Variants in CEP112 observed in about 807,000 individuals in gnomAD.
CEP112 encodes centrosomal protein of 112 kDa.
Under a neutral mutation model 153.0 loss-of-function variants are expected in CEP112, and 127 were observed. That is an observed-to-expected ratio of 0.83 (90% confidence interval 0.72 to 0.96). The LOEUF is 0.96. CEP112 is among the 40% of genes least tolerant of loss of function. The pLI, the probability that CEP112 is intolerant of heterozygous loss-of-function variation, is 0.00. For missense variants in CEP112, 1,089 were observed against 1,101.2 expected, an observed-to-expected ratio of 0.99 and a Z score of 0.16; for synonymous variants, 358 against 374.4, an observed-to-expected ratio of 0.96 and a Z score of 0.51.
intron 21 of CEP112, among the ~76,000 whole-genome samples, chr17:65,755,355 G>GTTA (rs1020944257): frequency 1.3e-5 from 2 of 152,102 alleles, no homozygotes; most frequent in Admixed American, 1.3e-4. Flanking sequence ...CTCACTCACT[G>GTTA]TTATAAGAAC....
chr17:66,151,167 G>A (rs181881441), intron 4 of CEP112, among the ~76,000 whole-genome samples: 9 of 152,174 alleles, frequency 5.9e-5, no homozygotes, highest in African/African-American at 2.2e-4. Flanking sequence ...GGCTTCCAGT[G>A]TTGAGTTCAT....
At chr17:65,803,025 C>G (rs2055372848) in intron 21 of CEP112, among the ~76,000 whole-genome samples, 1 of 152,236 alleles carries the variant, frequency 6.6e-6, no homozygotes, top group South Asian at 2.1e-4. Context: ...TTCCACCTGG[C>G]TTTCTGTCCC....
chr17:65,997,564 T>C (rs926803987), intron 17 of CEP112, among the ~76,000 whole-genome samples: 5 of 152,200 alleles, frequency 3.3e-5, no homozygotes, highest in Admixed American at 6.5e-5. Context: ...ATTAAAAATA[T>C]ATGTAAAACA....
In CEP112 at chr17:65,751,952, TTCTATCTATCTATCTATCTATCTA is replaced by T. The variant is rs60646634; in HGVS notation, c.2395-1252_2395-1229del. 6.2e-5 allele frequency among the ~76,000 whole-genome samples: 9 copies of T among 145,932 alleles called. No homozygotes were observed. In the East Asian group the frequency reaches 6.2e-4, roughly 10 times the overall value. On this transcript the variant is annotated intron_variant, in intron 21 of 26. Transcript: ENST00000535342. ...TGCGTCATGCCTTGCAATACAGTCC[TTCTATCTATCTATCTATCTATCTA>T]TCTATCTATCTATCTATCTATCTAT...
intron 23 of CEP112, among the ~76,000 whole-genome samples, chr17:65,740,637 T>C (rs2051074684): frequency 6.6e-6 from 1 of 152,180 alleles, no homozygotes; most frequent in African/African-American, 2.4e-5. Flanking sequence ...GATCACCAGC[T>C]TGAAAGAGGT....
At chr17:66,184,709 T>A (rs1041133617) in intron 1 of CEP112, among the ~76,000 whole-genome samples, 4 of 152,060 alleles carry the variant, frequency 2.6e-5, no homozygotes, top group African/African-American at 9.7e-5. Flanking sequence ...AAAATAAACA[T>A]ACACTCAGCC....
intron 17 of CEP112, among the ~76,000 whole-genome samples, chr17:65,972,249 G>C (rs1332848217): frequency 6.6e-6 from 1 of 152,048 alleles, no homozygotes; most frequent in African/African-American, 2.4e-5. Flanking sequence ...AAGATATCTG[G>C]GAAATCCCCA....
intron 19 of CEP112, among the ~76,000 whole-genome samples, chr17:65,925,971 C>T (rs1462657861): frequency 3.3e-5 from 5 of 151,950 alleles, no homozygotes; most frequent in Admixed American, 6.6e-5. Context: ...CAAAGCAAAA[C>T]CAAGCTAAAA....
intron 21 of CEP112, among the ~76,000 whole-genome samples, chr17:65,823,272 C>T (rs962966054): frequency 6.6e-6 from 1 of 152,078 alleles, no homozygotes; most frequent in Non-Finnish European, 1.5e-5. Flanking sequence ...TACTACCTAT[C>T]TCTAAGACTG....
At chr17:65,926,433 C>A (rs745917453) in intron 19 of CEP112, among the ~76,000 whole-genome samples, 1 of 152,166 alleles carries the variant, frequency 6.6e-6, no homozygotes, top group Non-Finnish European at 1.5e-5. Flanking sequence ...ACTCTTCAGG[C>A]CGGGTGTGGT....
chr17:65,914,659 C>T (rs1355511030), intron 19 of CEP112, among the ~76,000 whole-genome samples: 1 of 152,170 alleles, frequency 6.6e-6, no homozygotes, highest in Non-Finnish European at 1.5e-5. Flanking sequence ...CCAAATTAAG[C>T]ATGCTGCTCT....
intron 6 of CEP112, among the ~76,000 whole-genome samples, chr17:66,118,091 G>A (rs1358288968): frequency 6.6e-6 from 1 of 152,176 alleles, no homozygotes; most frequent in Non-Finnish European, 1.5e-5. Flanking sequence ...CCACTATGGA[G>A]AACAGTATGG....
chr17:65,706,959 T>A (rs1431097050), intron 23 of CEP112, among the ~76,000 whole-genome samples: 1 of 152,162 alleles, frequency 6.6e-6, no homozygotes, highest in Non-Finnish European at 1.5e-5. Context: ...ACTCAGGAGA[T>A]CTCTTTGACA....
chr17:65,818,926 T>C (rs989813728), intron 21 of CEP112, among the ~76,000 whole-genome samples: 1 of 151,938 alleles, frequency 6.6e-6, no homozygotes, highest in Admixed American at 6.6e-5. Flanking sequence ...TAATACCTAT[T>C]ACACCTCCAT....
rs76060100 is a variant in CEP112, at chr17:65,907,609, G to A, written c.1981-5275C>T. 7.3e-3 allele frequency among the ~76,000 whole-genome samples: 1,108 copies of A among 152,222 alleles called. 12 individuals carry two copies. Among genetic ancestry groups the A allele is most frequent in the African/African-American group, 0.025 (1,055 of 41,526 alleles). On this transcript the variant is annotated intron_variant, in intron 19 of 26. Transcript: ENST00000535342. Reference sequence around the variant, plus strand: ...CTTTCTGGTCTTTTCCTAGGCTTCCGCACCATCAGCATCTTCTAGCAAGGG... The same window carrying A: ...CTTTCTGGTCTTTTCCTAGGCTTCCACACCATCAGCATCTTCTAGCAAGGG...
intron 21 of CEP112, among the ~76,000 whole-genome samples, chr17:65,763,347 G>C (rs547715311): frequency 5.3e-5 from 8 of 151,862 alleles, no homozygotes; most frequent in African/African-American, 1.9e-4. Flanking sequence ...TCTGTGGTTT[G>C]GTGTCTGACA....
At chr17:65,800,239 A>T (rs1186233504) in intron 21 of CEP112, among the ~76,000 whole-genome samples, 10 of 151,562 alleles carry the variant, frequency 6.6e-5, no homozygotes, top group African/African-American at 2.4e-4. Flanking sequence ...TTTTTTTTTC[A>T]CTACCCAAAA....
chr17:66,057,476 A>AGAT (rs2066740190), intron 11 of CEP112, among the ~76,000 whole-genome samples: 1 of 152,152 alleles, frequency 6.6e-6, no homozygotes, highest in Admixed American at 6.5e-5. Flanking sequence ...CAAACGAAGA[A>AGAT]GATGAAGTTT....
Position 66,159,921 on chromosome 17 carries a change from T to C in CEP112, c.470+15123A>G, listed in dbSNP as rs145701526. Among the ~76,000 whole-genome samples, 721 of 151,414 alleles carry C rather than the reference T, an allele frequency of 4.8e-3. 4 individuals are homozygous for C. The highest frequency in any genetic ancestry group is 0.024 in the Middle Eastern group (7 of 290). On this transcript the variant is annotated intron_variant, in intron 4 of 26. Coordinates refer to ENST00000535342, the MANE Select transcript of CEP112 (RefSeq NM_001199165.4). ...AGAGGAAGTCAAATTGTCTCTGACA[T>C]GACTGTATATTTAGAAAACCCCATT...
Sources: gnomAD v4.1 joint callset for allele counts (sites outside exome capture counted in the v4.1 genomes callset) on GRCh38, gnomAD v4.1.1 for gene constraint, MANE v1.5 for transcripts, NCBI Gene and HGNC (gene_info 2026-07-23, HGNC 2026-07-21) for gene names.